Variants in MTDH observed in about 807,000 individuals in gnomAD.
The protein encoded by MTDH is metadherin.
Under a neutral mutation model 72.7 loss-of-function variants are expected in MTDH, and 34 were observed. The observed-to-expected ratio is 0.47, with a 90% CI of 0.36 to 0.62. The LOEUF (loss-of-function observed/expected upper bound fraction) is 0.62. Ranked by LOEUF, MTDH falls within the 20% of genes least tolerant of loss-of-function variation. MTDH has a pLI of 0.00. For synonymous variants in MTDH, 266 were observed against 268.9 expected (o/e 0.99, Z 0.10); for missense variants, 677 against 699.4 (o/e 0.97, Z 0.36).
chr8:97,666,952 C>T (rs183795920), intron 2 of MTDH, among the ~76,000 whole-genome samples: 1 of 152,266 alleles, frequency 6.6e-6, no homozygotes, highest in African/African-American at 2.4e-5. Flanking sequence ...CTGCCTCCGC[C>T]TCCCAAAGTG....
At chr8:97,658,709 A>G (rs535699370) in intron 1 of MTDH, among the ~76,000 whole-genome samples, 2 of 152,348 alleles carry the variant, frequency 1.3e-5, no homozygotes, top group Non-Finnish European at 2.9e-5. Flanking sequence ...TTGAAGAGAT[A>G]GGAGACTATA....
intron 8 of MTDH, among the ~76,000 whole-genome samples, chr8:97,708,264 CTTTTTTTTTTTTTTTTTT>C (rs71271145): frequency 1.9e-4 from 6 of 32,042 alleles, no homozygotes; most frequent in African/African-American, 1.8e-4. Flanking sequence ...CATGCCAGGC[CTTTTTTTTTTTTTTTTTT>C]TTTTTTTTTT....
At chr8:97,649,981 A>C (rs895755412) in intron 1 of MTDH, among the ~76,000 whole-genome samples, 1 of 151,636 alleles carries the variant, frequency 6.6e-6, no homozygotes, top group Admixed American at 6.6e-5. Flanking sequence ...TTTGAAACGG[A>C]GTGTCACTCT....
chr8:97,709,277 A>G (rs1406201984), intron 8 of MTDH, among the ~76,000 whole-genome samples: 2 of 152,114 alleles, frequency 1.3e-5, no homozygotes, highest in Admixed American at 6.6e-5. Context: ...TTAACAGGCA[A>G]TGTGAAAGTC....
chr8:97,701,308 A>G (rs542440053), intron 7 of MTDH, among the ~76,000 whole-genome samples: 2 of 152,298 alleles, frequency 1.3e-5, no homozygotes, highest in Admixed American at 6.5e-5. Flanking sequence ...TAGTATTTGC[A>G]TATAACCTAC....
Position 97,644,341 on chromosome 8 carries a change from C to A in MTDH, c.-166C>A. 1 of 904,194 alleles carries A rather than the reference C, an allele frequency of 1.1e-6. No individual in the cohort carries two copies. The highest frequency in any genetic ancestry group is 1.6e-6 in the Non-Finnish European group (1 of 635,334). The allele number at this position is 904,194 out of a possible 1,614,324, so 56.0% of individuals were successfully genotyped here. A position where few individuals can be genotyped will look rare whatever the true frequency, so the allele number is the denominator to read the frequency against. On this transcript the variant is annotated 5_prime_UTR_variant, in exon 1 of 12. Coordinates refer to ENST00000336273, the MANE Select transcript of MTDH (RefSeq NM_178812.4). Reference sequence around the variant, plus strand: ...GCGGGGAACCTGGGAGACCCCTCCGCCCTCCCCGCGGTGGCAGCGGCCGAT... The same window carrying A: ...GCGGGGAACCTGGGAGACCCCTCCGACCTCCCCGCGGTGGCAGCGGCCGAT...
intron 2 of MTDH, among the ~76,000 whole-genome samples, chr8:97,676,793 G>C (rs1283161572): frequency 6.6e-6 from 1 of 151,552 alleles, no homozygotes; most frequent in Non-Finnish European, 1.5e-5. Context: ...CACGAGGTCA[G>C]GAGATCAAGA....
chr8:97,727,123 A>G lies in MTDH; in HGVS notation c.*2453A>G, dbSNP rs550152788. The G allele has an allele frequency of 1.3e-5, 2 of 152,000 alleles. No individual in the cohort carries two copies. The highest frequency in any genetic ancestry group is 2.9e-5 in the Non-Finnish European group (2 of 68,004). 9.4% of individuals were successfully genotyped at this position (152,000 alleles called of 1,614,324 possible). The stretch of plus-strand genomic sequence containing the variant: ...CTATATAAATGATAAAATTAATTAC[A>G]TTCTCTTTCACATGCATGAGGTGCA... On this transcript the variant is annotated 3_prime_UTR_variant, in exon 12 of 12. Coordinates refer to ENST00000336273, the MANE Select transcript of MTDH (RefSeq NM_178812.4).
At chr8:97,685,427 AG>A (rs1314933362) in intron 2 of MTDH, among the ~76,000 whole-genome samples, 1 of 152,180 alleles carries the variant, frequency 6.6e-6, no homozygotes, top group Non-Finnish European at 1.5e-5. Context: ...GCATATATGC[AG>A]GTTTTTTATT....
chr8:97,696,418 G>T, intron 6 of MTDH: 1 of 337,696 alleles, frequency 3.0e-6, no homozygotes, highest in Non-Finnish European at 4.2e-6. Flanking sequence ...TTATAAAGTG[G>T]CAGAGGCCTT....
At chr8:97,651,628 CAAAT>C (rs1240968834) in intron 1 of MTDH, among the ~76,000 whole-genome samples, 3 of 152,108 alleles carry the variant, frequency 2.0e-5, no homozygotes, top group Non-Finnish European at 4.4e-5. Flanking sequence ...TTTGGAGTAA[CAAAT>C]AAATTTTAGT....
At chr8:97,673,161 A>G (rs1812698987) in intron 2 of MTDH, among the ~76,000 whole-genome samples, 1 of 152,172 alleles carries the variant, frequency 6.6e-6, no homozygotes, top group South Asian at 2.1e-4. Flanking sequence ...CTCTTGTGAA[A>G]CTTAGTCGGG....
In MTDH at chr8:97,713,709, G is replaced by C; in HGVS notation, c.1320G>C (p.Gly440=). The stretch of plus-strand genomic sequence containing the variant: ...AGGGAGAGGGAGCTCTTCCAACTGG[G>C]AAATCCAAAAAGAAAAAAAAGAAAA... ...KEKGEGALPT[G]KSKKKKKKKK... The change falls in exon 9 of 12, where the codon GGG becomes GGC. Residue 440 remains glycine (G), a synonymous_variant. Coordinates refer to ENST00000336273, the MANE Select transcript of MTDH (RefSeq NM_178812.4). 6.2e-7 allele frequency: 1 copy of C among 1,608,180 alleles called. No homozygotes were observed. The highest frequency in any genetic ancestry group is 8.5e-7 in the Non-Finnish European group (1 of 1,177,824).
At chr8:97,686,795 T>C (rs1563545798) in intron 3 of MTDH, 43 bp downstream of exon 3, 1 of 1,354,708 alleles carries the variant, frequency 7.4e-7, no homozygotes, top group East Asian at 2.4e-5. Flanking sequence ...TTTTTAATCC[T>C]TTTTTATCAA....
intron 1 of MTDH, among the ~76,000 whole-genome samples, chr8:97,647,373 G>T (rs1428024713): frequency 6.6e-6 from 1 of 152,182 alleles, no homozygotes; most frequent in Non-Finnish European, 1.5e-5. Flanking sequence ...AACGACCTGG[G>T]CAATATAGTG....
intron 1 of MTDH, among the ~76,000 whole-genome samples, chr8:97,656,844 A>T (rs888756168): frequency 6.6e-6 from 1 of 151,892 alleles, no homozygotes; most frequent in African/African-American, 2.4e-5. Context: ...TACTAAAAAT[A>T]CAAAAATTAG....
At chr8:97,710,752 C>T (rs1586275616) in intron 8 of MTDH, among the ~76,000 whole-genome samples, 1 of 144,556 alleles carries the variant, frequency 6.9e-6, no homozygotes, top group African/African-American at 2.6e-5. Flanking sequence ...GTAATCCCAG[C>T]ACTTTGGGAG....
intron 2 of MTDH, among the ~76,000 whole-genome samples, chr8:97,663,381 G>A (rs1397719254): frequency 6.6e-6 from 1 of 152,098 alleles, no homozygotes; most frequent in Non-Finnish European, 1.5e-5. Context: ...GGTGAGGTAT[G>A]TTTGTATGTG....
chr8:97,717,076 G>C (rs1011653941), intron 9 of MTDH, among the ~76,000 whole-genome samples: 1 of 152,158 alleles, frequency 6.6e-6, no homozygotes, highest in African/African-American at 2.4e-5. Context: ...GACTTTGTAA[G>C]ATTGCAAAAC....
Sources: allele counts gnomAD v4.1 joint callset (sites outside exome capture counted in the v4.1 genomes callset), GRCh38; gene constraint gnomAD v4.1.1; transcripts MANE v1.5; gene names NCBI Gene and HGNC (gene_info 2026-07-23, HGNC 2026-07-21).